The following SOCS2 variants were observed in gnomAD, a reference collection of about 807,000 sequenced individuals.
SOCS2 encodes suppressor of cytokine signaling 2.
Under a neutral mutation model 18.6 loss-of-function variants are expected in SOCS2, and 10 were observed. The ratio of observed to expected loss-of-function variants is 0.54; its 90% CI spans 0.33 to 0.91. The LOEUF is 0.91. SOCS2 is among the 40% of genes least tolerant of loss of function. The pLI, the probability that SOCS2 is intolerant of heterozygous loss-of-function variation, is 0.02. For synonymous variants in SOCS2, 104 were observed against 104.0 expected (o/e 1.00, Z 0.00); for missense variants, 231 against 247.2 (o/e 0.93, Z 0.44).
Position 93,574,792 on chromosome 12 carries a change from C to T in SOCS2, c.210C>T (p.Phe70=), listed in dbSNP as rs1954406668. 1.2e-6 allele frequency: 2 copies of T among 1,613,998 alleles called. No individual in the cohort carries two copies. Among genetic ancestry groups the T allele is most frequent in the Non-Finnish European group, 1.7e-6 (2 of 1,180,004 alleles). ...EKLKEAPEGT[F]LIRDSSHSDY... is the part of the protein sequence containing the mutation. Reference sequence around the variant, plus strand: ...TAAAAGAGGCACCAGAAGGAACTTTCTTGATTAGAGATAGCTCGCATTCAG... The same window carrying T: ...TAAAAGAGGCACCAGAAGGAACTTTTTTGATTAGAGATAGCTCGCATTCAG... The change falls in exon 2 of 2, where the codon TTC becomes TTT. Residue 70 remains phenylalanine, a synonymous_variant. Transcript: ENST00000551556.
At chr12:93,590,778 C>T in the SOCS2 span, among the ~76,000 whole-genome samples, 2 of 88,802 alleles carry the variant, frequency 2.3e-5, no homozygotes, top group Admixed American at 1.4e-4. Flanking sequence ...AGCAAGACTC[C>T]GCCTCAAAAA....
upstream of SOCS2, chr12:93,571,593 C>T: frequency 5.3e-6 from 1 of 188,092 alleles, no homozygotes; most frequent in South Asian, 6.6e-5. Context: ...GGAGGGAAAC[C>T]CGGCAGCAGT....
the SOCS2 span, among the ~76,000 whole-genome samples, chr12:93,603,106 G>C: frequency 6.6e-6 from 1 of 152,166 alleles, no homozygotes; most frequent in Non-Finnish European, 1.5e-5. Flanking sequence ...GAAGCTATGA[G>C]AGTAAACACT....
the SOCS2 span, among the ~76,000 whole-genome samples, chr12:93,601,251 T>C: frequency 1.3e-5 from 2 of 151,984 alleles, no homozygotes; most frequent in African/African-American, 4.8e-5. Flanking sequence ...TCTGGAGTTT[T>C]TAAAAATTTC....
chr12:93,594,515 T>C, the SOCS2 span, among the ~76,000 whole-genome samples: 1 of 152,222 alleles, frequency 6.6e-6, no homozygotes, highest in South Asian at 2.1e-4. Context: ...ATGTGTCATT[T>C]AATTAACAAT....
the SOCS2 span, among the ~76,000 whole-genome samples, chr12:93,602,595 G>A: frequency 6.6e-6 from 1 of 152,128 alleles, no homozygotes; most frequent in Non-Finnish European, 1.5e-5. Flanking sequence ...AGAGACTTTG[G>A]GAGATATTAT....
chr12:93,580,630 A>G (rs1217147106), downstream of SOCS2, among the ~76,000 whole-genome samples: 1 of 151,558 alleles, frequency 6.6e-6, no homozygotes, highest in East Asian at 1.9e-4. Flanking sequence ...AAAAAAAAAA[A>G]AAAAAAAAAA....
At chr12:93,622,784 C>T in the SOCS2 span, among the ~76,000 whole-genome samples, 4 of 152,104 alleles carry the variant, frequency 2.6e-5, no homozygotes, top group Admixed American at 1.3e-4. Context: ...ACTCAGAAAT[C>T]GCTCAAGCAC....
chr12:93,582,805 T>G lies in SOCS2; in HGVS notation c.117-218T>G, dbSNP rs1954558166. Among the ~76,000 whole-genome samples the G allele has an allele frequency of 3.3e-5, 5 of 152,152 alleles. No homozygotes were observed. The South Asian group carries it at 1.0e-3, about 32-fold the overall frequency. ...TGAAGAGCCTGGAGCCTTCAGGATT[T>G]TTGGTCCCTTCCAAGGAGGTCCCAT... On this transcript the variant is annotated intron_variant, in intron 1 of 1. Transcript: ENST00000549510.
upstream of SOCS2, chr12:93,572,569 T>G (rs1489013185): frequency 5.5e-6 from 3 of 542,554 alleles, no homozygotes; most frequent in East Asian, 7.6e-5. The surrounding 1 kb of genome is among the most constrained non-coding windows in gnomAD (Gnocchi z 5.0). Context: ...GGTTAAATGG[T>G]GCAGGAACGT....
the SOCS2 span, among the ~76,000 whole-genome samples, chr12:93,605,597 G>A: frequency 3.3e-5 from 5 of 152,172 alleles, no homozygotes; most frequent in African/African-American, 1.2e-4. Context: ...CACCTCCTCC[G>A]CCAATCAGGC....
At chr12:93,618,444 A>G in the SOCS2 span, among the ~76,000 whole-genome samples, 4 of 152,032 alleles carry the variant, frequency 2.6e-5, no homozygotes, top group African/African-American at 9.7e-5. Flanking sequence ...TAAAGTCCAA[A>G]TCCTTCTCCA....
chr12:93,614,420 C>CTTTCTTT, the SOCS2 span, among the ~76,000 whole-genome samples: 10 of 28,966 alleles, frequency 3.5e-4, no homozygotes, highest in African/African-American at 7.9e-4. Flanking sequence ...TTTCTTTCTT[C>CTTTCTTT]CTTTCTTTCC....
downstream of SOCS2, among the ~76,000 whole-genome samples, chr12:93,584,770 T>C (rs1954573769): frequency 1.4e-5 from 2 of 147,316 alleles, no homozygotes; most frequent in South Asian, 2.1e-4. Context: ...TCTTCCCTTC[T>C]TTTTTTTTTG....
chr12:93,620,437 T>C, the SOCS2 span, among the ~76,000 whole-genome samples: 1 of 151,912 alleles, frequency 6.6e-6, no homozygotes, highest in African/African-American at 2.4e-5. Context: ...TTTTTTGAGA[T>C]GGAGTCTTGC....
At chr12:93,622,745 G>A in the SOCS2 span, among the ~76,000 whole-genome samples, 9 of 152,062 alleles carry the variant, frequency 5.9e-5, no homozygotes, top group African/African-American at 2.2e-4. Context: ...AAGGGGTAGT[G>A]AACAGGCCAA....
At chr12:93,573,600 C>A in intron 1 of SOCS2, 1 of 184,714 alleles carries the variant, frequency 5.4e-6, no homozygotes, top group Non-Finnish European at 1.1e-5. Flanking sequence ...CAAGTACAGT[C>A]AGGCAATTCG....
chr12:93,574,602 C>CTTTTTTT (rs35259505), intron 1 of SOCS2, 120 bp from the exon 2 acceptor site: 1 of 532,774 alleles, frequency 1.9e-6, no homozygotes. Context: ...CACACACCAC[C>CTTTTTTT]TTTTTTTTTT....
At chr12:93,614,427 TTCCCTTCCTTCCTTCCTTCC>T in the SOCS2 span, among the ~76,000 whole-genome samples, 9 of 78,302 alleles carry the variant, frequency 1.1e-4, 1 homozygote, top group African/African-American at 4.5e-4. Flanking sequence ...CTTCCTTTCT[TTCCCTTCCTTCCTTCCTTCC>T]TTCCTTCCTT....
Sources: allele counts gnomAD v4.1 joint callset (sites outside exome capture counted in the v4.1 genomes callset), GRCh38; gene constraint gnomAD v4.1.1; non-coding constraint Gnocchi (gnomAD v3.1); transcripts MANE v1.5; gene names NCBI Gene and HGNC (gene_info 2026-07-23, HGNC 2026-07-21).